LARS2: variants seen among roughly 807,000 people sequenced by gnomAD.
LARS2 encodes leucyl-tRNA synthetase 2, mitochondrial.
LARS2 carries 81 observed loss-of-function variants against 116.6 expected under a neutral mutation model. The observed-to-expected ratio is 0.69, with a 90% CI of 0.58 to 0.84. The LOEUF (loss-of-function observed/expected upper bound fraction) is 0.84, where lower values mean the gene tolerates loss of function less well. Among genes scored for constraint, LARS2 ranks in the 40% least tolerant of loss-of-function variants. The probability of loss-of-function intolerance (pLI) is 0.00; values close to 1 mark genes in which losing one functional copy is unlikely to be tolerated. For synonymous variants in LARS2, 396 were observed against 407.2 expected (o/e 0.97, Z 0.33); for missense variants, 968 against 1,114.5 (o/e 0.87, Z 1.87).
chr3:45,434,293 T>A (rs538390356), intron 6 of LARS2, among the ~76,000 whole-genome samples: 1 of 152,364 alleles, frequency 6.6e-6, no homozygotes, highest in East Asian at 1.9e-4. Context: ...TTTCTCTCTG[T>A]TGTTCATTCA....
intron 1 of LARS2, among the ~76,000 whole-genome samples, chr3:45,390,067 G>T (rs1697913061): frequency 6.6e-6 from 1 of 152,042 alleles, no homozygotes; most frequent in South Asian, 2.1e-4. Context: ...TCCTAACACA[G>T]GTTATCAGAT....
chr3:45,460,017 G>T (rs574228237), intron 8 of LARS2, among the ~76,000 whole-genome samples: 1 of 152,272 alleles, frequency 6.6e-6, no homozygotes, highest in African/African-American at 2.4e-5. Flanking sequence ...AAAGCACAAG[G>T]TTCTCAATAT....
In LARS2 at chr3:45,400,245, A is replaced by T; in HGVS notation, c.235A>T (p.Lys79Ter). 1 of 1,612,604 alleles carries T rather than the reference A, an allele frequency of 6.2e-7. No homozygotes were observed. The highest frequency in any genetic ancestry group is 8.5e-7 in the Non-Finnish European group (1 of 1,179,298). ...EQASKISEADKSKPKFYVLSM... is the reference protein window; with the variant it reads ...EQASKISEAD The stretch of plus-strand genomic sequence containing the variant: ...AATACTCATTGTCGTTCTTTCCTAG[A>T]AATCGAAGCCAAAATTTTACGTGCT... The change falls in exon 4 of 22, where the codon AAA becomes TAA. Residue 79 changes from lysine to a stop codon, truncating the protein, a stop_gained and splice_region_variant. Transcript: ENST00000645846. LOFTEE classifies it high-confidence loss of function.
intron 6 of LARS2, among the ~76,000 whole-genome samples, chr3:45,428,405 G>A (rs1454168452): frequency 1.3e-5 from 2 of 151,420 alleles, no homozygotes; most frequent in Admixed American, 6.6e-5. Flanking sequence ...CACCACACCC[G>A]GATAATTTTT....
intron 20 of LARS2, among the ~76,000 whole-genome samples, chr3:45,540,111 T>A (rs1170128019): frequency 2.0e-5 from 3 of 151,880 alleles, no homozygotes; most frequent in Non-Finnish European, 1.5e-5. Flanking sequence ...TACAAAAAAT[T>A]AGCCAGGCAT....
chr3:45,484,115 G>T (rs1371210227), intron 10 of LARS2: 1 of 151,788 alleles, frequency 6.6e-6, no homozygotes, highest in African/African-American at 2.4e-5. Context: ...GCTGAGGTGG[G>T]AGGATCAGGG....
intron 4 of LARS2, among the ~76,000 whole-genome samples, chr3:45,414,111 GTA>G (rs1698377232): frequency 6.6e-6 from 1 of 152,190 alleles, no homozygotes; most frequent in African/African-American, 2.4e-5. Context: ...AATGTTAAGA[GTA>G]TATACAAAGA....
chr3:45,496,300 A>T lies in LARS2; in HGVS notation c.1549A>T (p.Thr517Ser). 1 of 1,614,078 alleles carries T rather than the reference A, an allele frequency of 6.2e-7. No homozygotes were observed. The highest frequency in any genetic ancestry group is 8.5e-7 in the Non-Finnish European group (1 of 1,179,888). Residue 517 changes from threonine to serine, a missense_variant, in exon 14 of 22, where the codon ACA (threonine) becomes TCA (serine). Coordinates refer to ENST00000645846, the MANE Select transcript of LARS2 (RefSeq NM_015340.4). ...PRCKGAAKRE[T>S]DTMDTFVDSA... ...GTGCAAGGGAGCAGCCAAGAGAGAG[A>T]CAGACACGATGGATACCTTTGTTGA...
chr3:45,425,990 T>G (rs1575245869), intron 6 of LARS2, among the ~76,000 whole-genome samples: 1 of 151,850 alleles, frequency 6.6e-6, no homozygotes, highest in African/African-American at 2.4e-5. Flanking sequence ...CACTGTCATG[T>G]TGTTACAGTA....
intron 6 of LARS2, among the ~76,000 whole-genome samples, chr3:45,429,483 C>T (rs182305124): frequency 2.6e-5 from 4 of 152,282 alleles, no homozygotes; most frequent in African/African-American, 9.6e-5. Context: ...CATTCCCTCT[C>T]ATGCTTCAGA....
chr3:45,492,734 T>C (rs9825158), intron 13 of LARS2, among the ~76,000 whole-genome samples: 2,705 of 152,276 alleles, frequency 0.018, 72 homozygotes, highest in African/African-American at 0.058. Flanking sequence ...AATTAACACA[T>C]GTGATCCTGC....
intron 7 of LARS2, among the ~76,000 whole-genome samples, 160 bp from the exon 8 acceptor site, chr3:45,458,583 G>A (rs1699254120): frequency 6.6e-6 from 1 of 152,034 alleles, no homozygotes; most frequent in Non-Finnish European, 1.5e-5. Context: ...CCAGCTACTT[G>A]GGCTGAGGCA....
intron 6 of LARS2, among the ~76,000 whole-genome samples, chr3:45,435,095 CTGTT>C (rs1164696783): frequency 3.9e-5 from 6 of 152,138 alleles, no homozygotes; most frequent in Non-Finnish European, 8.8e-5. Context: ...AATATAAGGG[CTGTT>C]TGTTAGATAC....
intron 6 of LARS2, among the ~76,000 whole-genome samples, chr3:45,431,290 G>A (rs181999294): frequency 2.0e-5 from 3 of 152,264 alleles, no homozygotes; most frequent in African/African-American, 7.2e-5. Flanking sequence ...AGCAGCCCAA[G>A]CTGACTAAGA....
At chr3:45,449,216 G>C (rs78099511) in intron 7 of LARS2, among the ~76,000 whole-genome samples, 1,746 of 147,750 alleles carry the variant, frequency 0.012, 28 homozygotes, top group African/African-American at 0.035. Context: ...AGGTTGGAGC[G>C]CAATGGTGTG....
At chr3:45,494,503 G>A (rs1324499300) in intron 13 of LARS2, among the ~76,000 whole-genome samples, 4 of 152,158 alleles carry the variant, frequency 2.6e-5, no homozygotes, top group African/African-American at 9.7e-5. Flanking sequence ...TATTTGGAGG[G>A]GCGATGAGCT....
At chr3:45,391,933 A>G (rs140057266) in intron 2 of LARS2, among the ~76,000 whole-genome samples, 1 of 152,290 alleles carries the variant, frequency 6.6e-6, no homozygotes, top group Non-Finnish European at 1.5e-5. Flanking sequence ...TTTTGTTTCT[A>G]TTTGAGAGGA....
At chr3:45,427,824 T>C (rs987846753) in intron 6 of LARS2, among the ~76,000 whole-genome samples, 2 of 125,616 alleles carry the variant, frequency 1.6e-5, no homozygotes, top group Admixed American at 8.1e-5. Context: ...TCCTTTTTTT[T>C]CTTTTTTTTT....
At chr3:45,430,841 T>G (rs1267037886) in intron 6 of LARS2, among the ~76,000 whole-genome samples, 1 of 152,058 alleles carries the variant, frequency 6.6e-6, no homozygotes, top group Non-Finnish European at 1.5e-5. Context: ...CATCTCGGCC[T>G]CCCAAAGTGC....
Sources: allele counts gnomAD v4.1 joint callset (sites outside exome capture counted in the v4.1 genomes callset), GRCh38; gene constraint gnomAD v4.1.1; transcripts MANE v1.5; gene names NCBI Gene and HGNC (gene_info 2026-07-23, HGNC 2026-07-21).